The following FBXO11 variants were observed in gnomAD, a reference collection of about 807,000 sequenced individuals.
FBXO11 encodes F-box protein 11.
Under a neutral mutation model 117.0 loss-of-function variants are expected in FBXO11, and 13 were observed. That is an observed-to-expected ratio of 0.11 (90% confidence interval 0.07 to 0.18). FBXO11 has a LOEUF of 0.18. FBXO11 is among the 10% of genes least tolerant of loss of function. FBXO11 has a pLI of 1.00. For missense variants in FBXO11, 767 were observed against 1,164.4 expected (o/e 0.66, Z 4.97); for synonymous variants, 490 against 380.5 (o/e 1.29, Z -3.35).
rs1673899210 is a variant in FBXO11 at position 47,851,989 on chromosome 2, A to ATGTTT, written c.233-12221_233-12220insAAACA. Among the ~76,000 whole-genome samples the ATGTTT allele has an allele frequency of 9.8e-5, 13 of 132,844 alleles. No individual in the cohort carries two copies. The South Asian group carries it at 3.1e-3, about 32-fold the overall frequency. The allele number at this position is 132,844 out of a possible 152,430, so 87.2% of individuals were successfully genotyped here. A position where few individuals can be genotyped will look rare whatever the true frequency, so the allele number is the denominator to read the frequency against. ...TAGTAGTCTCTGTATCAAGCAACCA[A>ATGTTT]TTTTTTTTTTTTTTTTTTTTGAGGC... On this transcript the variant is annotated intron_variant, in intron 1 of 22. Coordinates refer to ENST00000403359, the MANE Select transcript of FBXO11 (RefSeq NM_001190274.2).
intron 12 of FBXO11, 40 bp from the exon 13 acceptor site, chr2:47,822,343 C>A: frequency 7.5e-7 from 1 of 1,335,198 alleles, no homozygotes; most frequent in South Asian, 1.3e-5. Context: ...GACATCTATT[C>A]AGCCAAACTT....
intron 7 of FBXO11, among the ~76,000 whole-genome samples, chr2:47,834,103 A>G (rs1468241813): frequency 6.6e-6 from 1 of 152,210 alleles, no homozygotes; most frequent in Non-Finnish European, 1.5e-5. Flanking sequence ...TAATCCCCGC[A>G]CTTTGGAAGG....
In FBXO11 at chr2:47,823,004, C is replaced by T. The variant is rs112668701; in HGVS notation, c.1616+139G>A. On this transcript the variant is annotated intron_variant, in intron 12 of 22. Coordinates refer to ENST00000403359, the MANE Select transcript of FBXO11 (RefSeq NM_001190274.2). ...AATAGCTATGGCTCATTCAGATGCA[C>T]AGACTTTAACTAGGAAAATCTATTT... The T allele has an allele frequency of 9.3e-5, 55 of 589,078 alleles. 1 individual carries two copies. Among genetic ancestry groups the T allele is most frequent in the African/African-American group, 8.1e-4 (43 of 52,904 alleles). The allele number at this position is 589,078 out of a possible 1,614,324, so 36.5% of individuals were successfully genotyped here. A position where few individuals can be genotyped will look rare whatever the true frequency, so the allele number is the denominator to read the frequency against.
chr2:47,817,597 T>G (rs1242762465), intron 16 of FBXO11, among the ~76,000 whole-genome samples: 1 of 152,216 alleles, frequency 6.6e-6, no homozygotes, highest in African/African-American at 2.4e-5. Flanking sequence ...CTTCATCATT[T>G]CTAGCTTTTG....
At chr2:47,852,438 C>A (rs766819759) in intron 1 of FBXO11, among the ~76,000 whole-genome samples, 50 of 152,212 alleles carry the variant, frequency 3.3e-4, no homozygotes, top group Non-Finnish European at 4.0e-4. Context: ...ATGTTTTTTA[C>A]AAATCAAGTA....
At position 47,905,511 on chromosome 2, in the gene FBXO11, C is replaced by A. The variant is rs777560676; in HGVS notation, c.210G>T (p.Glu70Asp). 8.1e-7 allele frequency: 1 copy of A among 1,233,696 alleles called. No homozygotes were observed. Among genetic ancestry groups the A allele is most frequent in the South Asian group, 3.6e-5 (1 of 27,758 alleles). 76.4% of individuals were successfully genotyped at this position (1,233,696 alleles called of 1,614,324 possible). ...TACCCCGCTCGCCGACGTTGTTCCGCTCCTGAGGCAGCGGCGGAGGCGGCG... is the reference window on the plus strand; with the variant it reads ...TACCCCGCTCGCCGACGTTGTTCCGATCCTGAGGCAGCGGCGGAGGCGGCG... Reference protein sequence around the residue: ...PPPPPPPLPQERNNVGERDDD... With the variant: ...PPPPPPPLPQDRNNVGERDDD... The change falls in exon 1 of 23, where the codon GAG (glutamate) becomes GAT (aspartate). Residue 70 changes from glutamate to aspartate, a missense_variant. Physicochemically the swap from Glu to Asp is conservative, Grantham distance 45. Transcript: ENST00000403359.
chr2:47,889,894 C>T (rs1172427158), intron 1 of FBXO11, among the ~76,000 whole-genome samples: 1 of 152,156 alleles, frequency 6.6e-6, no homozygotes, highest in African/African-American at 2.4e-5. Context: ...TTTTCATCTT[C>T]CATCATTCAA....
chr2:47,883,343 G>C (rs1193306314), intron 1 of FBXO11: 1 of 195,844 alleles, frequency 5.1e-6, no homozygotes. Flanking sequence ...ATAATAAAGG[G>C]AGTGTGTGCT....
chr2:47,812,534 C>T (rs1178423990), intron 18 of FBXO11, among the ~76,000 whole-genome samples: 1 of 152,146 alleles, frequency 6.6e-6, no homozygotes, highest in Non-Finnish European at 1.5e-5. Context: ...AGATTATAAG[C>T]TCCTGGAGAG....
intron 11 of FBXO11, among the ~76,000 whole-genome samples, chr2:47,827,817 C>T (rs1671874572): frequency 6.6e-6 from 1 of 151,966 alleles, no homozygotes; most frequent in African/African-American, 2.4e-5. Flanking sequence ...GTGCCTCAGC[C>T]TCCAAAGTAG....
chr2:47,851,404 T>C (rs1015588235), intron 1 of FBXO11, among the ~76,000 whole-genome samples: 15 of 152,180 alleles, frequency 9.9e-5, no homozygotes, highest in African/African-American at 3.4e-4. Context: ...CTAATTTTTG[T>C]ATTTAGTAGA....
At chr2:47,879,944 A>C (rs929815905) in intron 1 of FBXO11, among the ~76,000 whole-genome samples, 1 of 151,892 alleles carries the variant, frequency 6.6e-6, no homozygotes, top group African/African-American at 2.4e-5. Flanking sequence ...TCCTTTCTAA[A>C]GTTTGAATAA....
At chr2:47,812,605 C>T (rs10490302) in intron 18 of FBXO11, among the ~76,000 whole-genome samples, 38,428 of 152,088 alleles carry the variant, frequency 0.25, 5,254 homozygotes, top group Non-Finnish European at 0.31. Context: ...TAAATCTTGG[C>T]ATGTTAGAGT....
chr2:47,815,753 T>C (rs1670962706), intron 16 of FBXO11, among the ~76,000 whole-genome samples: 1 of 152,178 alleles, frequency 6.6e-6, no homozygotes, highest in Admixed American at 6.5e-5. Context: ...GAATCCCAGA[T>C]GTAAGGTTAG....
intron 1 of FBXO11, chr2:47,905,086 C>G (rs956525956): frequency 1.3e-5 from 2 of 156,372 alleles, no homozygotes; most frequent in African/African-American, 2.4e-5. Context: ...TCGCTCCCCC[C>G]ACCTACCACT....
rs529409013 is a variant in FBXO11, at chr2:47,817,793, A to G, written c.2006+986T>C. 9.2e-5 allele frequency among the ~76,000 whole-genome samples: 14 copies of G among 152,360 alleles called. 1 individual carries two copies. Among genetic ancestry groups the G allele is most frequent in the African/African-American group, 3.4e-4 (14 of 41,594 alleles). On this transcript the variant is annotated intron_variant, in intron 16 of 22. Transcript: ENST00000403359. ...AGAACACACACAACGTTTACAGATG[A>G]AGTTTGTTATCTTGGGCGCAGTTAA... is the stretch of plus-strand genomic sequence containing the variant.
chr2:47,808,066 T>C lies in FBXO11; in HGVS notation c.*52A>G, dbSNP rs1670348730. The C allele has an allele frequency of 2.0e-6, 3 of 1,470,384 alleles. No homozygotes were observed. Among genetic ancestry groups the C allele is most frequent in the South Asian group, 1.2e-5 (1 of 83,058 alleles). 91.1% of individuals were successfully genotyped at this position (1,470,384 alleles called of 1,614,324 possible). On this transcript the variant is annotated 3_prime_UTR_variant, in exon 23 of 23. Coordinates refer to ENST00000403359, the MANE Select transcript of FBXO11 (RefSeq NM_001190274.2). ...TATTTTAAATCTTCTTCCAAAAAAG[T>C]GTTTTAAGTTATGATGTTACAATGG...
chr2:47,874,145 C>T lies in FBXO11; in HGVS notation c.232+31344G>A, dbSNP rs190787785. Among the ~76,000 whole-genome samples, 638 of 152,128 alleles carry T rather than the reference C, an allele frequency of 4.2e-3. 3 individuals are homozygous for T. The highest frequency in any genetic ancestry group is 6.7e-3 in the Non-Finnish European group (454 of 68,002). On this transcript the variant is annotated intron_variant, in intron 1 of 22. Coordinates refer to ENST00000403359, the MANE Select transcript of FBXO11 (RefSeq NM_001190274.2). ...AGGAGAATCGCTTGAACCTGGGAGG[C>T]GGAGCTTGCTGTGAGCAGAGATTGC... is the stretch of plus-strand genomic sequence containing the variant.
intron 1 of FBXO11, among the ~76,000 whole-genome samples, chr2:47,874,172 C>T (rs1438818829): frequency 1.3e-5 from 2 of 152,054 alleles, no homozygotes; most frequent in African/African-American, 2.4e-5. Context: ...AGAGATTGCA[C>T]CACTGCACTC....
Sources: allele counts gnomAD v4.1 joint callset (sites outside exome capture counted in the v4.1 genomes callset), GRCh38; gene constraint gnomAD v4.1.1; transcripts MANE v1.5; gene names NCBI Gene and HGNC (gene_info 2026-07-23, HGNC 2026-07-21).